Variants in WDR27 observed in about 807,000 individuals in gnomAD.
WDR27 encodes WD repeat domain 27, also known as WD repeat-containing protein 27.
Under a neutral mutation model 114.4 loss-of-function variants are expected in WDR27, and 100 were observed. The observed-to-expected ratio is 0.87, with a 90% CI of 0.74 to 1.03. The LOEUF (loss-of-function observed/expected upper bound fraction) is 1.03. Ranked by LOEUF, WDR27 falls within the 50% of genes least tolerant of loss-of-function variation. The pLI is 0.00. For missense variants in WDR27, 1,129 were observed against 1,092.9 expected (o/e 1.03, Z -0.47); for synonymous variants, 449 against 423.1 (o/e 1.06, Z -0.75).
chr6:169,536,620 T>C (rs1157236295), intron 25 of WDR27, among the ~76,000 whole-genome samples: 1 of 152,100 alleles, frequency 6.6e-6, no homozygotes, highest in Non-Finnish European at 1.5e-5. Flanking sequence ...ACACAACAAA[T>C]ATTCACCAAA....
intron 24 of WDR27, among the ~76,000 whole-genome samples, chr6:169,573,955 T>C (rs1043189610): frequency 6.6e-6 from 1 of 152,272 alleles, no homozygotes; most frequent in African/African-American, 2.4e-5. Context: ...GCCAGGATAA[T>C]TTAACTATGG....
chr6:169,445,785 G>A, the WDR27 span, among the ~76,000 whole-genome samples: 17 of 152,326 alleles, frequency 1.1e-4, no homozygotes, highest in Admixed American at 3.3e-4. Flanking sequence ...ATCCCTGCCT[G>A]CAGCTGCAGA....
chr6:169,450,228 G>A, the WDR27 span, among the ~76,000 whole-genome samples: 1 of 152,208 alleles, frequency 6.6e-6, no homozygotes. Flanking sequence ...GGGGAGCTTT[G>A]GTGGTGCCAA....
At chr6:169,475,493 G>A (rs1787023161) in intron 25 of WDR27, among the ~76,000 whole-genome samples, 1 of 152,196 alleles carries the variant, frequency 6.6e-6, no homozygotes, top group Non-Finnish European at 1.5e-5. Flanking sequence ...AACGTGCCAG[G>A]ATTATAGGTA....
rs146498559 is a variant in WDR27 at position 169,492,956 on chromosome 6, C to T, written c.2646-35322G>A. On this transcript the variant is annotated intron_variant, in intron 25 of 25. Coordinates refer to ENST00000448612, the MANE Select transcript of WDR27 (RefSeq NM_182552.5). Reference sequence around the variant, plus strand: ...AAAATATTAAAGGTAAAAATTAAGTCAACATGCAGAGACATAAAAGGAGAT... The same window carrying T: ...AAAATATTAAAGGTAAAAATTAAGTTAACATGCAGAGACATAAAAGGAGAT... 2.2e-3 allele frequency among the ~76,000 whole-genome samples: 327 copies of T among 151,948 alleles called. 4 individuals are homozygous for T. The highest frequency in any genetic ancestry group is 7.5e-3 in the African/African-American group (312 of 41,490).
At chr6:169,694,289 T>A (rs1222191136) in intron 1 of WDR27, among the ~76,000 whole-genome samples, 1 of 152,180 alleles carries the variant, frequency 6.6e-6, no homozygotes, top group Non-Finnish European at 1.5e-5. Flanking sequence ...CCAGCCTGGG[T>A]GACAAAAGCG....
Position 169,579,755 on chromosome 6 carries a change from C to T in WDR27, c.2523+3081G>A, listed in dbSNP as rs147679686. Reference sequence around the variant, plus strand: ...AATTAAGAGTGGGTATAACTATGCTCACCAGCAACCAATGCGTGCTGTTCG... The same window carrying T: ...AATTAAGAGTGGGTATAACTATGCTTACCAGCAACCAATGCGTGCTGTTCG... On this transcript the variant is annotated intron_variant, in intron 24 of 25. Coordinates refer to ENST00000448612, the MANE Select transcript of WDR27 (RefSeq NM_182552.5). Among the ~76,000 whole-genome samples, 506 of 152,292 alleles carry T rather than the reference C, an allele frequency of 3.3e-3. 2 individuals are homozygous for T. The highest frequency in any genetic ancestry group is 0.011 in the African/African-American group (474 of 41,562).
chr6:169,677,755 G>A (rs1381665359), intron 2 of WDR27, among the ~76,000 whole-genome samples: 1 of 152,244 alleles, frequency 6.6e-6, no homozygotes. Flanking sequence ...TGACGGCCAG[G>A]GCCTGCTGCC....
At chr6:169,587,947 CT>C (rs1804972105) in intron 23 of WDR27, among the ~76,000 whole-genome samples, 1 of 152,344 alleles carries the variant, frequency 6.6e-6, no homozygotes, top group Non-Finnish European at 1.5e-5. Flanking sequence ...AAAGCCGTGG[CT>C]TTCCCTGCTT....
intron 13 of WDR27, among the ~76,000 whole-genome samples, chr6:169,656,270 G>C (rs1824162906): frequency 6.6e-6 from 1 of 152,172 alleles, no homozygotes; most frequent in Non-Finnish European, 1.5e-5. Flanking sequence ...ATAGGTGAAG[G>C]GTGGGGGCCA....
chr6:169,672,410 C>G lies in WDR27; in HGVS notation c.190-14G>C, dbSNP rs991971869. 7 of 1,573,000 alleles carry G rather than the reference C, an allele frequency of 4.5e-6. No homozygotes were observed. Among genetic ancestry groups the G allele is most frequent in the Non-Finnish European group, 6.0e-6 (7 of 1,159,618 alleles). On this transcript the variant is annotated splice_polypyrimidine_tract_variant and intron_variant, in intron 2 of 25. Transcript: ENST00000448612. Reference sequence around the variant, plus strand: ...TAGGATTAGAAGCTGGGAAAATTAACAAAAATAAAACACAGATCACAGACA... The same window carrying G: ...TAGGATTAGAAGCTGGGAAAATTAAGAAAAATAAAACACAGATCACAGACA...
At chr6:169,577,701 C>T (rs1307669377) in intron 24 of WDR27, among the ~76,000 whole-genome samples, 2 of 152,212 alleles carry the variant, frequency 1.3e-5, no homozygotes, top group African/African-American at 2.4e-5. Flanking sequence ...TCCTCCGCGG[C>T]CCATGGGAGT....
the WDR27 span, among the ~76,000 whole-genome samples, chr6:169,446,638 T>C: frequency 8.5e-5 from 13 of 152,164 alleles, no homozygotes; most frequent in Middle Eastern, 3.2e-3. Context: ...TCTTAAAAGG[T>C]TGAGTTTGAA....
chr6:169,645,023 T>TAA (rs776362942), intron 16 of WDR27, among the ~76,000 whole-genome samples: 11 of 46,942 alleles, frequency 2.3e-4, no homozygotes, highest in Non-Finnish European at 2.7e-4. Context: ...AAAAAAAAAA[T>TAA]AAAAAAAAAA....
intron 25 of WDR27, among the ~76,000 whole-genome samples, chr6:169,532,401 A>C (rs1795704451): frequency 6.6e-6 from 1 of 152,192 alleles, no homozygotes; most frequent in African/African-American, 2.4e-5. Flanking sequence ...GCAAAAAAGA[A>C]AGCAGACATG....
At chr6:169,452,220 T>A (rs1784177822), downstream of WDR27, among the ~76,000 whole-genome samples, 1 of 152,226 alleles carries the variant, frequency 6.6e-6, no homozygotes, top group Non-Finnish European at 1.5e-5. Flanking sequence ...TCTGCAATGC[T>A]CGGAGTCACC....
chr6:169,462,523 A>C (rs1399869455), intron 25 of WDR27, among the ~76,000 whole-genome samples: 5 of 152,150 alleles, frequency 3.3e-5, no homozygotes, highest in African/African-American at 1.2e-4. Context: ...AGTAGATCCT[A>C]GACTCGATGG....
intron 17 of WDR27, among the ~76,000 whole-genome samples, chr6:169,641,513 C>G (rs1446041741): frequency 6.6e-6 from 1 of 152,116 alleles, no homozygotes; most frequent in African/African-American, 2.4e-5. Flanking sequence ...AAAACCCTAC[C>G]TAGGTCAGGG....
At chr6:169,554,348 A>C (rs757810636) in intron 25 of WDR27, among the ~76,000 whole-genome samples, 35 of 152,196 alleles carry the variant, frequency 2.3e-4, no homozygotes, top group Non-Finnish European at 3.7e-4. Flanking sequence ...GACGGGACCC[A>C]TCAGCAGAGG....
Sources: allele counts gnomAD v4.1 joint callset (sites outside exome capture counted in the v4.1 genomes callset), GRCh38; gene constraint gnomAD v4.1.1; transcripts MANE v1.5; gene names NCBI Gene and HGNC (gene_info 2026-07-23, HGNC 2026-07-21).